The following EDNRB variants were observed in gnomAD, a reference collection of about 807,000 sequenced individuals.
EDNRB encodes endothelin receptor type B.
In EDNRB, 18 loss-of-function variants were observed where a neutral mutation model predicts 46.4. The ratio of observed to expected loss-of-function variants is 0.39; its 90% CI spans 0.27 to 0.57. EDNRB has a LOEUF of 0.57. Ranked by LOEUF, EDNRB falls within the 20% of genes least tolerant of loss-of-function variation. The pLI is 0.61. For synonymous variants in EDNRB, 213 were observed against 204.9 expected (o/e 1.04, Z -0.34); for missense variants, 434 against 537.5 (o/e 0.81, Z 1.90).
intron 1 of EDNRB, among the ~76,000 whole-genome samples, chr13:77,970,933 A>G (rs1326169442): frequency 6.6e-6 from 1 of 152,152 alleles, no homozygotes; most frequent in Non-Finnish European, 1.5e-5. Flanking sequence ...TTTAAGGAAA[A>G]TGAGTCTTGT....
At chr13:77,943,303 G>A (rs1880805384) in intron 1 of EDNRB, among the ~76,000 whole-genome samples, 1 of 152,030 alleles carries the variant, frequency 6.6e-6, no homozygotes, top group Admixed American at 6.6e-5. Flanking sequence ...CTCAACTCTT[G>A]TTGAAACCCA....
At chr13:77,966,971 AC>A (rs1176576633) in intron 1 of EDNRB, among the ~76,000 whole-genome samples, 1 of 152,186 alleles carries the variant, frequency 6.6e-6, no homozygotes, top group African/African-American at 2.4e-5. Flanking sequence ...TAACCCATTC[AC>A]TAAAAACCAT....
chr13:77,969,076 G>A (rs921018273), intron 1 of EDNRB, among the ~76,000 whole-genome samples: 3 of 152,112 alleles, frequency 2.0e-5, no homozygotes, highest in South Asian at 2.1e-4. Context: ...TTCTTAAAAA[G>A]CACTGAGTTT....
rs996405294 is a variant in EDNRB at position 77,900,378 on chromosome 13, A to C, written c.1085+143T>G. 3 of 1,120,102 alleles carry C rather than the reference A, an allele frequency of 2.7e-6. No individual in the cohort carries two copies. In the African/African-American group the frequency reaches 4.6e-5, roughly 17 times the overall value. 69.4% of individuals were successfully genotyped at this position (1,120,102 alleles called of 1,614,324 possible). ...CCCCTTCCCTGTCCCTCTCAACAGG[A>C]CCTCAGATAAAAATTGGGAGTCTCC... is the stretch of plus-strand genomic sequence containing the variant. On this transcript the variant is annotated intron_variant, in intron 5 of 6. Transcript: ENST00000646607.
At chr13:77,952,962 G>C (rs1395904656) in intron 1 of EDNRB, among the ~76,000 whole-genome samples, 3 of 152,164 alleles carry the variant, frequency 2.0e-5, no homozygotes, top group African/African-American at 7.2e-5. Context: ...GAGCCAGCCA[G>C]CTCACCAGTT....
chr13:77,923,264 A>C (rs765325515), upstream of EDNRB, among the ~76,000 whole-genome samples: 1 of 152,218 alleles, frequency 6.6e-6, no homozygotes, highest in Non-Finnish European at 1.5e-5. Flanking sequence ...TTTCCTACTT[A>C]TAACTTAAGT....
At position 77,896,503 on chromosome 13, in the gene EDNRB, C is replaced by T. The variant is rs761044362; in HGVS notation, c.*1697G>A. On this transcript the variant is annotated 3_prime_UTR_variant, in exon 7 of 7. Coordinates refer to ENST00000646607, the MANE Select transcript of EDNRB (RefSeq NM_001122659.3). ...TGGGTTTTGGTTTACTGTACCATCA[C>T]ATTCAATATTGACAGAAAACAACAT... 6.3e-7 allele frequency: 1 copy of T among 1,581,726 alleles called. No homozygotes were observed. Among genetic ancestry groups the T allele is most frequent in the East Asian group, 2.3e-5 (1 of 44,268 alleles).
chr13:77,974,704 A>C (rs1415404490), intron 1 of EDNRB, among the ~76,000 whole-genome samples: 6 of 151,984 alleles, frequency 3.9e-5, no homozygotes, highest in African/African-American at 1.5e-4. Flanking sequence ...AGCAGTAACC[A>C]AGCATCTATG....
At chr13:77,970,073 T>G (rs764978683) in intron 1 of EDNRB, among the ~76,000 whole-genome samples, 114 of 152,332 alleles carry the variant, frequency 7.5e-4, no homozygotes, top group Admixed American at 3.4e-3. Flanking sequence ...TAGGAACCAG[T>G]GTCTGCATTT....
intron 6 of EDNRB, chr13:77,899,653 G>A (rs759670395): frequency 1.9e-6 from 1 of 513,602 alleles, no homozygotes; most frequent in African/African-American, 1.9e-5. Flanking sequence ...TGAGGCAGTA[G>A]GGAGTGGCTG....
At chr13:77,903,785 G>A (rs1879129591) in intron 1 of EDNRB, among the ~76,000 whole-genome samples, 178 bp from the exon 2 acceptor site, 1 of 151,952 alleles carries the variant, frequency 6.6e-6, no homozygotes, top group Non-Finnish European at 1.5e-5. Context: ...GGACAGGAAA[G>A]TGTGTTGGGA....
chr13:77,968,694 A>T (rs1881646012), intron 1 of EDNRB, among the ~76,000 whole-genome samples: 1 of 152,200 alleles, frequency 6.6e-6, no homozygotes, highest in Non-Finnish European at 1.5e-5. Context: ...ATGTTCTTAA[A>T]TAAGGCAATT....
At chr13:77,931,887 A>T (rs1242662996) in intron 1 of EDNRB, among the ~76,000 whole-genome samples, 1 of 152,168 alleles carries the variant, frequency 6.6e-6, no homozygotes, top group African/African-American at 2.4e-5. Context: ...AACTGCACGA[A>T]TTAGCTACAG....
intron 3 of EDNRB, among the ~76,000 whole-genome samples, chr13:77,901,756 T>C (rs564032405): frequency 1.3e-5 from 2 of 151,976 alleles, no homozygotes; most frequent in Non-Finnish European, 2.9e-5. Flanking sequence ...TTTTTCATAT[T>C]GCTTTAGATA....
intron 1 of EDNRB, among the ~76,000 whole-genome samples, chr13:77,942,226 T>C (rs1231845129): frequency 2.6e-5 from 4 of 152,156 alleles, no homozygotes; most frequent in Non-Finnish European, 4.4e-5. Context: ...TTCCTTACTG[T>C]TTGGTATTAT....
chr13:77,902,041 T>C (rs2137608209), intron 3 of EDNRB, among the ~76,000 whole-genome samples: 1 of 152,102 alleles, frequency 6.6e-6, no homozygotes, highest in East Asian at 1.9e-4. Context: ...GGATCTATCT[T>C]CTGGAAACGA....
At chr13:77,925,719 C>T (rs891336770) in intron 1 of EDNRB, among the ~76,000 whole-genome samples, 3 of 152,176 alleles carry the variant, frequency 2.0e-5, no homozygotes, top group African/African-American at 2.4e-5. Context: ...AATGTAGGGT[C>T]GGAGCCCCCA....
At chr13:77,937,306 G>T (rs1880596770) in intron 1 of EDNRB, among the ~76,000 whole-genome samples, 1 of 152,172 alleles carries the variant, frequency 6.6e-6, no homozygotes, top group Admixed American at 6.5e-5. Flanking sequence ...TTCCATTGGG[G>T]ATCCTCTCAG....
rs371558629 is a variant in EDNRB at position 77,918,157 on chromosome 13, C to A, written c.417G>T (p.Leu139Phe). Residue 139 changes from leucine to phenylalanine, a missense_variant, in exon 1 of 7, where the codon TTG (leucine) becomes TTT (phenylalanine). By Grantham distance (22) the Leu-to-Phe change is conservative. Coordinates refer to ENST00000646607, the MANE Select transcript of EDNRB (RefSeq NM_001122659.3). The surrounding 1 kb of genome is among the most constrained non-coding windows in gnomAD (Gnocchi z 4.5). ...NKCMRNGPNI[L>F]IASLALGDLL... is the part of the protein sequence containing the mutation. ...GGTCTCCCAGAGCCAAGCTGGCGAT[C>A]AAGATATTGGGACCGTTTCGCATGC... The A allele has an allele frequency of 6.2e-7, 1 of 1,614,056 alleles. No individual in the cohort carries two copies. The highest frequency in any genetic ancestry group is 1.3e-5 in the African/African-American group (1 of 74,908).
Sources: gnomAD v4.1 joint callset for allele counts (sites outside exome capture counted in the v4.1 genomes callset) on GRCh38, gnomAD v4.1.1 for gene constraint, Gnocchi (gnomAD v3.1) non-coding constraint, MANE v1.5 for transcripts, NCBI Gene and HGNC (gene_info 2026-07-23, HGNC 2026-07-21) for gene names.